IFNLR1: variants seen among roughly 807,000 people sequenced by gnomAD.
IFNLR1 encodes interferon lambda receptor 1.
IFNLR1 carries 28 observed loss-of-function variants against 52.5 expected under a neutral mutation model. The ratio of observed to expected loss-of-function variants is 0.53; its 90% CI spans 0.40 to 0.73. IFNLR1 has a LOEUF of 0.73. Ranked by LOEUF, IFNLR1 falls within the 30% of genes least tolerant of loss-of-function variation. IFNLR1 has a pLI of 0.00. For missense variants in IFNLR1, 623 were observed against 659.1 expected (o/e 0.95, Z 0.60); for synonymous variants, 276 against 274.9 (o/e 1.00, Z -0.04).
chr1:24,180,814 G>C lies in IFNLR1; in HGVS notation c.99C>G (p.Leu33=). The change falls in exon 2 of 7, where the codon CTC becomes CTG. Residue 33 remains leucine, a synonymous_variant. Transcript: ENST00000327535. ...TCAGGTACACGCTGAAGTTCTGGGAGAGCAGCGTCACATTCTGGGGAGGGG... is the reference window on the plus strand; with the variant it reads ...TCAGGTACACGCTGAAGTTCTGGGACAGCAGCGTCACATTCTGGGGAGGGG... The part of the protein sequence containing the change: ...RLAPPQNVTL[L]SQNFSVYLTW... 2.5e-6 allele frequency: 4 copies of C among 1,613,952 alleles called. No homozygotes were observed. The highest frequency in any genetic ancestry group is 1.7e-4 in the Middle Eastern group (1 of 6,038).
chr1:24,176,267 T>C (rs1557651068), intron 2 of IFNLR1, among the ~76,000 whole-genome samples: 1 of 152,200 alleles, frequency 6.6e-6, no homozygotes, highest in African/African-American at 2.4e-5. Context: ...TCCATTTATA[T>C]GAAATTCTGG....
intron 3 of IFNLR1, among the ~76,000 whole-genome samples, chr1:24,165,326 C>T (rs914118446): frequency 6.6e-6 from 1 of 152,224 alleles, no homozygotes; most frequent in Non-Finnish European, 1.5e-5. Context: ...CAGTACAGAA[C>T]AAGTTTCTTC....
chr1:24,185,573 A>G (rs1644729529), intron 1 of IFNLR1, among the ~76,000 whole-genome samples: 1 of 152,202 alleles, frequency 6.6e-6, no homozygotes, highest in Admixed American at 6.5e-5. Context: ...TTCTAGACCC[A>G]AAAGTGGGTG....
At chr1:24,179,341 G>A (rs1246128148) in intron 2 of IFNLR1, among the ~76,000 whole-genome samples, 1 of 152,224 alleles carries the variant, frequency 6.6e-6, no homozygotes, top group Non-Finnish European at 1.5e-5. Context: ...CACCCTTGGT[G>A]CTTCAGTCTC....
Position 24,173,708 on chromosome 1 carries a change from G to A in IFNLR1, c.183-4107C>T, listed in dbSNP as rs567892860. On this transcript the variant is annotated intron_variant, in intron 2 of 6. Coordinates refer to ENST00000327535, the MANE Select transcript of IFNLR1 (RefSeq NM_170743.4). ...CTGTCACCCAGGCTGGGGTGCAGTGGTGCAATCATAGTTCACTGCAGTCTA... is the reference window on the plus strand; with the variant it reads ...CTGTCACCCAGGCTGGGGTGCAGTGATGCAATCATAGTTCACTGCAGTCTA... Among the ~76,000 whole-genome samples the A allele has an allele frequency of 1.1e-4, 16 of 150,858 alleles. No homozygotes were observed. The East Asian group carries it at 2.0e-3, about 18-fold the overall frequency.
rs774751235 is a variant in IFNLR1, at chr1:24,157,215, T to A, written c.1478A>T (p.Asp493Val). 7 of 1,614,144 alleles carry A rather than the reference T, an allele frequency of 4.3e-6. No individual in the cohort carries two copies. Among genetic ancestry groups the A allele is most frequent in the Non-Finnish European group, 5.9e-6 (7 of 1,180,026 alleles). Residue 493 changes from aspartate to valine, a missense_variant, in exon 7 of 7, where the codon GAC becomes GTC. Coordinates refer to ENST00000327535, the MANE Select transcript of IFNLR1 (RefSeq NM_170743.4). The surrounding 1 kb of genome is among the most constrained non-coding windows in gnomAD (Gnocchi z 5.1). ...EEEARESEIE[D>V]SDAGSWGAES... ...AGCCCCCCAGCTGCCCGCATCGCTG[T>A]CCTCAATTTCTGATTCCCTCGCCTC...
At chr1:24,183,300 T>TA (rs933038143) in intron 1 of IFNLR1, among the ~76,000 whole-genome samples, 117 of 145,600 alleles carry the variant, frequency 8.0e-4, no homozygotes, top group Admixed American at 8.9e-4. Context: ...TTTTCCCCAT[T>TA]AAAAAAAAAA....
intron 3 of IFNLR1, among the ~76,000 whole-genome samples, chr1:24,167,432 T>G (rs1373401020): frequency 1.3e-5 from 2 of 152,168 alleles, no homozygotes; most frequent in Non-Finnish European, 2.9e-5. Context: ...TCACCCAGGC[T>G]GGAGTGCAGT....
chr1:24,162,876 T>TTTCTTTCTTTCCTTCCTTCC (rs1553162229), intron 3 of IFNLR1, among the ~76,000 whole-genome samples: 1 of 22,584 alleles, frequency 4.4e-5, no homozygotes, highest in Non-Finnish European at 8.0e-5. Context: ...TCTTTCTTTC[T>TTTCTTTCTTTCCTTCCTTCC]TTCCTTCCTT....
chr1:24,166,941 A>G (rs535268273), intron 3 of IFNLR1, among the ~76,000 whole-genome samples: 113 of 152,292 alleles, frequency 7.4e-4, no homozygotes, highest in African/African-American at 2.4e-3. Context: ...ACAGTAAAAC[A>G]TTATTTCTGG....
intron 1 of IFNLR1, among the ~76,000 whole-genome samples, chr1:24,181,456 T>G (rs557700481): frequency 6.6e-6 from 1 of 152,292 alleles, no homozygotes; most frequent in African/African-American, 2.4e-5. Context: ...TTTAAAGGGA[T>G]CATTCAAGCA....
chr1:24,163,145 A>G (rs1644482137), intron 3 of IFNLR1, among the ~76,000 whole-genome samples: 1 of 151,462 alleles, frequency 6.6e-6, no homozygotes, highest in Non-Finnish European at 1.5e-5. Flanking sequence ...ATTTTTTAGT[A>G]GAGACAGACT....
In IFNLR1 at chr1:24,157,823, C is replaced by G. The variant is rs141153963; in HGVS notation, c.870G>C (p.Leu290Phe). The G allele has an allele frequency of 4.3e-6, 7 of 1,613,616 alleles. No homozygotes were observed. Among genetic ancestry groups the G allele is most frequent in the Non-Finnish European group, 5.1e-6 (6 of 1,179,802 alleles). Residue 290 changes from leucine (L) to phenylalanine (F), a missense_variant, in exon 7 of 7, where the codon TTG becomes TTC. Transcript: ENST00000327535. This position sits in a 1 kb window ranked among gnomAD's most constrained non-coding sequence, Gnocchi z 5.1. ...TCAGTTCCTTTTGGGGACAGAGGAA[C>G]AAGTCATTCACGGACTCTGGTCTGC... ...QPSRPESVND[L>F]FLCPQKELTR...
At chr1:24,161,485 G>A in intron 4 of IFNLR1, 57 bp downstream of exon 4, 1 of 1,547,920 alleles carries the variant, frequency 6.5e-7, no homozygotes, top group Non-Finnish European at 8.7e-7. Context: ...AGAAGAACCT[G>A]AGTAAGAAGG....
At chr1:24,163,209 G>A (rs542819685) in intron 3 of IFNLR1, among the ~76,000 whole-genome samples, 5 of 151,862 alleles carry the variant, frequency 3.3e-5, no homozygotes, top group Admixed American at 1.3e-4. Context: ...TCTTGGCCCC[G>A]CAAAGTGCTG....
intron 3 of IFNLR1, among the ~76,000 whole-genome samples, chr1:24,164,265 T>A (rs1291393463): frequency 1.3e-5 from 2 of 152,196 alleles, no homozygotes; most frequent in Admixed American, 1.3e-4. Flanking sequence ...CCTTTGAGCT[T>A]CTGGTTTCAC....
At chr1:24,164,588 G>C (rs1222688530) in intron 3 of IFNLR1, among the ~76,000 whole-genome samples, 1 of 152,144 alleles carries the variant, frequency 6.6e-6, no homozygotes, top group Non-Finnish European at 1.5e-5. Context: ...GGACAATGCT[G>C]TTCAGCTTCC....
chr1:24,162,962 C>CTTTTTT (rs754939969), intron 3 of IFNLR1, among the ~76,000 whole-genome samples: 1 of 89,410 alleles, frequency 1.1e-5, no homozygotes, highest in African/African-American at 4.4e-5. Context: ...TTTCTTTCCT[C>CTTTTTT]TTTTTTTTTT....
rs1459665561 is a variant in IFNLR1, at chr1:24,161,652, G to C, written c.400C>G (p.Gln134Glu). The C allele has an allele frequency of 1.3e-6, 2 of 1,534,602 alleles. No individual in the cohort carries two copies. Among genetic ancestry groups the C allele is most frequent in the Admixed American group, 4.0e-5 (2 of 49,998 alleles). The change falls in exon 4 of 7, where the codon CAG becomes GAG. Residue 134 changes from glutamine (Q) to glutamate (E), a missense_variant. By Grantham distance (29) the Gln-to-Glu change is conservative. Transcript: ENST00000327535. The part of the protein sequence containing the change: ...EPAPPVLVLT[Q>E]TEEILSANAT... ...TTGGCACTCAGGATCTCCTCCGTCT[G>C]GGTGAGCACCAGGACAGGTGGGGCC...
Sources: allele counts gnomAD v4.1 joint callset (sites outside exome capture counted in the v4.1 genomes callset), GRCh38; gene constraint gnomAD v4.1.1; non-coding constraint Gnocchi (gnomAD v3.1); transcripts MANE v1.5; gene names NCBI Gene and HGNC (gene_info 2026-07-23, HGNC 2026-07-21).